Variants in ARIH2 observed in about 807,000 individuals in gnomAD.
ARIH2 encodes the protein E3 ubiquitin-protein ligase ARIH2.
Under a neutral mutation model 79.8 loss-of-function variants are expected in ARIH2, and 12 were observed. The observed-to-expected ratio is 0.15, with a 90% confidence interval of 0.10 to 0.24. The LOEUF is 0.24. Among genes scored for constraint, ARIH2 ranks in the 10% least tolerant of loss-of-function variants. The probability of loss-of-function intolerance (pLI) is 1.00; values close to 1 mark genes in which losing one functional copy is unlikely to be tolerated. For missense variants in ARIH2, 301 were observed against 618.3 expected (o/e 0.49, Z 5.44); for synonymous variants, 224 against 213.9 (o/e 1.05, Z -0.41).
intron 11 of ARIH2, chr3:48,975,243 G>C: frequency 1.7e-6 from 1 of 587,240 alleles, no homozygotes; most frequent in Non-Finnish European, 3.0e-6. Context: ...AGTTATCCAA[G>C]AAGATGATTT....
intron 3 of ARIH2, among the ~76,000 whole-genome samples, chr3:48,954,218 G>T (rs1269188186): frequency 2.0e-5 from 3 of 151,966 alleles, no homozygotes; most frequent in African/African-American, 7.2e-5. Context: ...CACTTTGGGA[G>T]GCCGAGGCAG....
intron 3 of ARIH2, among the ~76,000 whole-genome samples, chr3:48,937,100 G>C (rs1298896865): frequency 6.6e-6 from 1 of 152,202 alleles, no homozygotes; most frequent in African/African-American, 2.4e-5. Flanking sequence ...ATACAGGCAG[G>C]ATGAGCAAGG....
At position 48,985,683 on chromosome 3, in the gene ARIH2, C is replaced by T. The variant is rs534359394; in HGVS notation, c.*2413C>T. The T allele has an allele frequency of 6.6e-6, 1 of 151,906 alleles. No individual in the cohort carries two copies. The highest frequency in any genetic ancestry group is 2.3e-4 in the South Asian group (1 of 4,440). 9.4% of individuals were successfully genotyped at this position (151,906 alleles called of 1,614,324 possible). A position where few individuals can be genotyped will look rare whatever the true frequency, so the allele number is the denominator to read the frequency against. ...TGGAGGCCCCAGTGGCCAAACTCGG[C>T]TCTGTTTTCCCTTTCTGGCTGTTGG... is the stretch of plus-strand genomic sequence containing the variant. On this transcript the variant is annotated 3_prime_UTR_variant, in exon 16 of 16. Transcript: ENST00000356401.
chr3:48,961,588 A>G, intron 3 of ARIH2, 24 bp from the exon 4 acceptor site: 1 of 1,462,652 alleles, frequency 6.8e-7, no homozygotes, highest in Non-Finnish European at 9.6e-7. Flanking sequence ...TTATAATTCG[A>G]TTTTTTTTCT....
chr3:48,979,701 C>A, intron 12 of ARIH2, 68 bp downstream of exon 12: 1 of 1,561,012 alleles, frequency 6.4e-7, no homozygotes, highest in Non-Finnish European at 8.8e-7. Context: ...TGGTGGGATT[C>A]CCAGGGACTG....
intron 6 of ARIH2, among the ~76,000 whole-genome samples, chr3:48,967,608 T>C (rs1199537383): frequency 1.3e-5 from 2 of 152,238 alleles, no homozygotes; most frequent in Non-Finnish European, 2.9e-5. Context: ...AGTTTGCTGC[T>C]ATTTAGGTAA....
At chr3:48,936,833 T>TC (rs1431520410) in intron 3 of ARIH2, among the ~76,000 whole-genome samples, 2 of 151,764 alleles carry the variant, frequency 1.3e-5, no homozygotes, top group African/African-American at 4.8e-5. Flanking sequence ...ATCGAGACCA[T>TC]CTGGCTAACA....
intron 3 of ARIH2, among the ~76,000 whole-genome samples, chr3:48,935,187 C>A (rs959823301): frequency 6.6e-6 from 1 of 152,166 alleles, no homozygotes; most frequent in South Asian, 2.1e-4. Context: ...GAACCTACTA[C>A]GCCTCCTGTT....
chr3:48,981,434 C>T (rs1411826053), intron 13 of ARIH2, among the ~76,000 whole-genome samples: 1 of 152,062 alleles, frequency 6.6e-6, no homozygotes, highest in African/African-American at 2.4e-5. Flanking sequence ...TGCTGATAAT[C>T]AGTTTGTAAA....
At chr3:48,974,646 C>T (rs1247049927) in intron 9 of ARIH2, 171 bp from the exon 10 acceptor site, 1 of 667,288 alleles carries the variant, frequency 1.5e-6, no homozygotes, top group Non-Finnish European at 2.7e-6. Flanking sequence ...GACCTCATTT[C>T]CTTGAATTGC....
At chr3:48,965,082 G>A in intron 5 of ARIH2, 100 bp downstream of exon 5, 5 of 1,157,472 alleles carry the variant, frequency 4.3e-6, no homozygotes, top group Non-Finnish European at 6.3e-6. Flanking sequence ...GCTGGGTGCG[G>A]TGTGGCTCAC....
chr3:48,941,593 C>CTTT (rs1421452514), intron 3 of ARIH2, among the ~76,000 whole-genome samples: 3 of 135,648 alleles, frequency 2.2e-5, no homozygotes, highest in Non-Finnish European at 4.8e-5. Context: ...CTTTTCTTTT[C>CTTT]TTTTTTTTTT....
chr3:48,979,737 A>G (rs1265756547), intron 12 of ARIH2, 104 bp downstream of exon 12: 2 of 1,300,544 alleles, frequency 1.5e-6, no homozygotes, highest in Non-Finnish European at 2.1e-6. Context: ...CTGTGCACAT[A>G]GAAGTCAGTG....
chr3:48,918,885 G>C lies in ARIH2; in HGVS notation c.-275G>C. 6.2e-7 allele frequency: 1 copy of C among 1,606,652 alleles called. No homozygotes were observed. The highest frequency in any genetic ancestry group is 8.5e-7 in the Non-Finnish European group (1 of 1,178,572). On this transcript the variant is annotated 5_prime_UTR_variant, in exon 1 of 16. Coordinates refer to ENST00000356401, the MANE Select transcript of ARIH2 (RefSeq NM_006321.4). ...CTTCTGGAGGAAGCAGCGCGGGCTT[G>C]ACCGGCGTCGGCCCGCCGCCTCCGC...
In ARIH2 at chr3:48,985,439, A is replaced by G. The variant is rs902009931; in HGVS notation, c.*2169A>G. The G allele has an allele frequency of 2.0e-5, 3 of 152,334 alleles. No individual in the cohort carries two copies. The allele number at this position is 152,334 out of a possible 1,614,324, so 9.4% of individuals were successfully genotyped here. A position where few individuals can be genotyped will look rare whatever the true frequency, so the allele number is the denominator to read the frequency against. On this transcript the variant is annotated 3_prime_UTR_variant, in exon 16 of 16. Coordinates refer to ENST00000356401, the MANE Select transcript of ARIH2 (RefSeq NM_006321.4). ...CACAGTATTTTCATGAATTTACCAT[A>G]TATCTTTGTTTTTCTTCAACGAAAA...
intron 15 of ARIH2, 28 bp downstream of exon 15, chr3:48,983,007 T>C (rs1326692672): frequency 6.2e-7 from 1 of 1,600,426 alleles, no homozygotes; most frequent in South Asian, 1.1e-5. Context: ...TCTTGGATTC[T>C]ATATTGCAGG....
Position 48,974,941 on chromosome 3 carries a change from C to T in ARIH2, c.940-17C>T. The T allele has an allele frequency of 6.2e-7, 1 of 1,614,186 alleles. No homozygotes were observed. Among genetic ancestry groups the T allele is most frequent in the Non-Finnish European group, 8.5e-7 (1 of 1,180,010 alleles). Reference sequence around the variant, plus strand: ...CAGTGTGCCCTTAACGTGTTTTCTTCTGTTTCCCTCTGACAGCAATGCTCC... The same window carrying T: ...CAGTGTGCCCTTAACGTGTTTTCTTTTGTTTCCCTCTGACAGCAATGCTCC... On this transcript the variant is annotated splice_polypyrimidine_tract_variant and intron_variant, in intron 10 of 15. Transcript: ENST00000356401.
intron 9 of ARIH2, 184 bp from the exon 10 acceptor site, chr3:48,974,633 G>C (rs576376074): frequency 1.6e-6 from 1 of 641,314 alleles, no homozygotes; most frequent in East Asian, 2.7e-5. Flanking sequence ...AGCTAAATGT[G>C]CTGACCTCAT....
intron 11 of ARIH2, among the ~76,000 whole-genome samples, chr3:48,977,678 T>G (rs1245175570): frequency 6.6e-6 from 1 of 152,152 alleles, no homozygotes; most frequent in Non-Finnish European, 1.5e-5. Context: ...ATGCTGGTTG[T>G]GAACTCCTGA....
Sources: gnomAD v4.1 joint callset for allele counts (sites outside exome capture counted in the v4.1 genomes callset) on GRCh38, gnomAD v4.1.1 for gene constraint, MANE v1.5 for transcripts, NCBI Gene and HGNC (gene_info 2026-07-23, HGNC 2026-07-21) for gene names.